UMODL1: variants seen among roughly 807,000 people sequenced by gnomAD.
The protein encoded by UMODL1 is uromodulin like 1, also known as uromodulin-like 1.
Under a neutral mutation model 136.3 loss-of-function variants are expected in UMODL1, and 128 were observed. The ratio of observed to expected loss-of-function variants is 0.94; its 90% CI spans 0.81 to 1.09. The LOEUF (loss-of-function observed/expected upper bound fraction) is 1.09. Among genes scored for constraint, UMODL1 ranks in the 50% least tolerant of loss-of-function variants. The pLI is 0.00. For synonymous variants in UMODL1, 721 were observed against 720.0 expected (o/e 1.00, Z -0.02); for missense variants, 1,766 against 1,725.6 (o/e 1.02, Z -0.41).
chr21:42,091,120 C>T (rs1043684300), intron 6 of UMODL1, among the ~76,000 whole-genome samples: 3 of 152,176 alleles, frequency 2.0e-5, no homozygotes, highest in African/African-American at 4.8e-5. Context: ...GGGCCACCCT[C>T]GCATCTTCTT....
Position 42,122,852 on chromosome 21 carries a change from C to A in UMODL1, c.2849C>A (p.Thr950Asn). Residue 950 changes from threonine to asparagine, a missense_variant, in exon 17 of 23, where the codon ACC (threonine) becomes AAC (asparagine). Physicochemically the swap from Thr to Asn is moderately conservative, Grantham distance 65. Transcript: ENST00000408910. The surrounding 1 kb of genome is among the most constrained non-coding windows in gnomAD (Gnocchi z 4.3). ...GCAGGTGACTCTCCTGGCAATGAAA[C>A]CTGGGCCACCAGCCCAGAGAGGCCT... ...PCEGDSPGNE[T>N]WATSPERPLT... 6.2e-7 allele frequency: 1 copy of A among 1,600,186 alleles called. No homozygotes were observed. The highest frequency in any genetic ancestry group is 8.5e-7 in the Non-Finnish European group (1 of 1,170,426).
chr21:42,116,053 G>T, intron 14 of UMODL1, 68 bp downstream of exon 14: 1 of 1,325,174 alleles, frequency 7.5e-7, no homozygotes, highest in Non-Finnish European at 1.1e-6. Flanking sequence ...TAGAATTCTA[G>T]GTTAGGCACG....
chr21:42,136,923 A>G (rs220175), intron 21 of UMODL1, among the ~76,000 whole-genome samples: 53,283 of 151,640 alleles, frequency 0.35, 9,879 homozygotes, highest in East Asian at 0.52. Context: ...ATGCCCGGCT[A>G]ATTTTTGTAT....
upstream of UMODL1, chr21:42,071,194 C>T (rs1263720445): frequency 9.5e-7 from 1 of 1,056,170 alleles, no homozygotes; most frequent in East Asian, 3.2e-5. Flanking sequence ...TGCAGCAGCA[C>T]AGGGGACAGA....
Position 42,102,291 on chromosome 21 carries a change from TG to T in UMODL1, c.1299+14del. ...ACTGCTTCACGAGGTAAAGCCACAA[TG>T]CAGACAGAAATCTTTTCTTGGGTGT... On this transcript the variant is annotated intron_variant, in intron 8 of 22. Transcript: ENST00000408910. 1 of 1,575,782 alleles carries T rather than the reference TG, an allele frequency of 6.3e-7. No individual in the cohort carries two copies. Among genetic ancestry groups the T allele is most frequent in the Non-Finnish European group, 8.7e-7 (1 of 1,148,386 alleles).
At position 42,108,644 on chromosome 21, in the gene UMODL1, C is replaced by T. The variant is rs544830444; in HGVS notation, c.1520-918C>T. On this transcript the variant is annotated intron_variant, in intron 9 of 22. Transcript: ENST00000408910. ...CCACCCGCAGCTCTACAGAAGCACG[C>T]GCAGAAGGCACTGTCACCTCCAGCA... is the stretch of plus-strand genomic sequence containing the variant. 7.7e-5 allele frequency: 25 copies of T among 324,408 alleles called. No individual in the cohort carries two copies. The East Asian group carries it at 7.8e-4, about 10-fold the overall frequency. The allele number at this position is 324,408 out of a possible 1,614,324, so 20.1% of individuals were successfully genotyped here. A position where few individuals can be genotyped will look rare whatever the true frequency, so the allele number is the denominator to read the frequency against.
At chr21:42,102,511 G>A (rs566088897) in intron 8 of UMODL1, 1 of 368,540 alleles carries the variant, frequency 2.7e-6, no homozygotes, top group Non-Finnish European at 5.0e-6. Context: ...TAAGATATGT[G>A]CCTTTATTCA....
intron 5 of UMODL1, 138 bp downstream of exon 5, chr21:42,088,618 G>T: frequency 1.1e-6 from 1 of 918,084 alleles, no homozygotes; most frequent in South Asian, 1.8e-5. Flanking sequence ...AAGAATAACT[G>T]GTTCAAGTGT....
chr21:42,101,368 C>T (rs915838), intron 7 of UMODL1, among the ~76,000 whole-genome samples: 29,492 of 152,144 alleles, frequency 0.19, 3,348 homozygotes, highest in East Asian at 0.36. Context: ...GGGGCCCCAA[C>T]TGGGAAATAT....
chr21:42,112,775 C>A (rs2066852781), intron 12 of UMODL1, among the ~76,000 whole-genome samples: 1 of 145,394 alleles, frequency 6.9e-6, no homozygotes, highest in African/African-American at 2.6e-5. Context: ...TGTTCCGTAC[C>A]CCCAGTTGTT....
At chr21:42,131,233 G>GT (rs1039835333) in intron 21 of UMODL1, among the ~76,000 whole-genome samples, 3 of 152,048 alleles carry the variant, frequency 2.0e-5, no homozygotes, top group East Asian at 1.9e-4. Context: ...TTTTTTTGTT[G>GT]TTTTTTTCCC....
intron 2 of UMODL1, among the ~76,000 whole-genome samples, chr21:42,077,048 TG>T (rs2146423244): frequency 7.1e-6 from 1 of 141,514 alleles, no homozygotes; most frequent in South Asian, 2.2e-4. Flanking sequence ...TGTGTGTGTG[TG>T]TGTGTGTGTG....
At chr21:42,108,962 C>T (rs1312769623) in intron 9 of UMODL1, among the ~76,000 whole-genome samples, 1 of 83,942 alleles carries the variant, frequency 1.2e-5, no homozygotes, top group African/African-American at 5.4e-5. Flanking sequence ...GACCCCCACT[C>T]CTGGCATGTA....
In UMODL1 at chr21:42,064,274, G is replaced by A. The variant is rs998045510; in HGVS notation, c.-141+1060G>A. On this transcript the variant is annotated intron_variant, in intron 1 of 22. Coordinates refer to the UMODL1 transcript ENST00000400424. Reference sequence around the variant, plus strand: ...GGTGGGCCTCATGCAATCAGCTGAAGCCCTGAAAAGAGCAAAAGGGCTGCC... The same window carrying A: ...GGTGGGCCTCATGCAATCAGCTGAAACCCTGAAAAGAGCAAAAGGGCTGCC... Among the ~76,000 whole-genome samples, 15 of 152,304 alleles carry A rather than the reference G, an allele frequency of 9.8e-5. 1 individual carries two copies. Among genetic ancestry groups the A allele is most frequent in the Admixed American group, 4.6e-4 (7 of 15,300 alleles).
chr21:42,133,423 ACT>A (rs2067159152), intron 21 of UMODL1, among the ~76,000 whole-genome samples: 1 of 151,114 alleles, frequency 6.6e-6, no homozygotes, highest in Non-Finnish European at 1.5e-5. Context: ...CTCATAACCC[ACT>A]CTCCTCTCTC....
At chr21:42,100,122 C>T (rs2066608661) in intron 7 of UMODL1, among the ~76,000 whole-genome samples, 1 of 152,116 alleles carries the variant, frequency 6.6e-6, no homozygotes, top group Non-Finnish European at 1.5e-5. Flanking sequence ...GAAGTTCTCC[C>T]CCAGGCTGGC....
intron 3 of UMODL1, among the ~76,000 whole-genome samples, 191 bp downstream of exon 3, chr21:42,084,436 T>C (rs778237802): frequency 2.6e-5 from 4 of 152,020 alleles, no homozygotes; most frequent in Non-Finnish European, 4.4e-5. Context: ...CACTGAACTC[T>C]CGGGGGAGAA....
intron 9 of UMODL1, among the ~76,000 whole-genome samples, chr21:42,108,923 A>ACCCCCG (rs2066769436): frequency 2.0e-4 from 3 of 14,908 alleles, no homozygotes; most frequent in African/African-American, 6.3e-4. Context: ...CACCCCCCCC[A>ACCCCCG]CGAGAGAAGT....
intron 22 of UMODL1, among the ~76,000 whole-genome samples, chr21:42,138,169 T>G (rs2067233902): frequency 6.6e-6 from 1 of 152,156 alleles, no homozygotes; most frequent in East Asian, 1.9e-4. Context: ...TTTCATCATT[T>G]GTAAAAGAAA....
Sources: allele counts gnomAD v4.1 joint callset (sites outside exome capture counted in the v4.1 genomes callset), GRCh38; gene constraint gnomAD v4.1.1; non-coding constraint Gnocchi (gnomAD v3.1); transcripts MANE v1.5; gene names NCBI Gene and HGNC (gene_info 2026-07-23, HGNC 2026-07-21).